RPGRIP1L: variants seen among roughly 807,000 people sequenced by gnomAD.
RPGRIP1L encodes the protein protein fantom.
RPGRIP1L carries 131 observed loss-of-function variants against 160.4 expected under a neutral mutation model. That is an observed-to-expected ratio of 0.82 (90% CI 0.71 to 0.94). The LOEUF (loss-of-function observed/expected upper bound fraction) is 0.94, where lower values mean the gene tolerates loss of function less well. RPGRIP1L is among the 40% of genes least tolerant of loss of function. The pLI, the probability that RPGRIP1L is intolerant of heterozygous loss-of-function variation, is 0.00. For synonymous variants in RPGRIP1L, 510 were observed against 515.8 expected, an observed-to-expected ratio of 0.99 and a Z score of 0.15; for missense variants, 1,522 against 1,535.8, an observed-to-expected ratio of 0.99 and a Z score of 0.15.
rs553010606 is a variant in RPGRIP1L at position 53,666,023 on chromosome 16, C to T, written c.1104-1014G>A. ...ATAATCATCAGCAGCTTTGACCATTCTATGTATTTTAAGCCCAGTAAATAC... is the reference window on the plus strand; with the variant it reads ...ATAATCATCAGCAGCTTTGACCATTTTATGTATTTTAAGCCCAGTAAATAC... On this transcript the variant is annotated intron_variant, in intron 9 of 26. Transcript: ENST00000647211. 1.7e-3 allele frequency among the ~76,000 whole-genome samples: 252 copies of T among 152,222 alleles called. 2 individuals carry two copies. The highest frequency in any genetic ancestry group is 5.3e-3 in the African/African-American group (222 of 41,554).
At chr16:53,665,784 C>T (rs1396994047) in intron 9 of RPGRIP1L, among the ~76,000 whole-genome samples, 2 of 152,112 alleles carry the variant, frequency 1.3e-5, no homozygotes, top group Non-Finnish European at 2.9e-5. Context: ...AATCAACATT[C>T]GTTTATGCCA....
chr16:53,676,422 T>C (rs1269281939), intron 6 of RPGRIP1L, among the ~76,000 whole-genome samples: 1 of 152,006 alleles, frequency 6.6e-6, no homozygotes, highest in Non-Finnish European at 1.5e-5. Flanking sequence ...GAAAAATACA[T>C]CTTAAAGTCT....
In RPGRIP1L at chr16:53,652,975, T is replaced by G; in HGVS notation, c.1712A>C (p.Asp571Ala). Residue 571 changes from aspartate to alanine, a missense_variant, in exon 15 of 27, where the codon GAT becomes GCT. By Grantham distance (126) the Asp-to-Ala change is moderately radical. Coordinates refer to ENST00000647211, the MANE Select transcript of RPGRIP1L (RefSeq NM_015272.5). ...RIHKLEAQLK[D>A]IAYGTKQYKF... ...GTACTGCTTGGTGCCATAGGCAATATCCTTTAATTGGGCTGCAAGAGAAGA... is the reference window on the plus strand; with the variant it reads ...GTACTGCTTGGTGCCATAGGCAATAGCCTTTAATTGGGCTGCAAGAGAAGA... 1 of 1,612,694 alleles carries G rather than the reference T, an allele frequency of 6.2e-7. No homozygotes were observed. The highest frequency in any genetic ancestry group is 8.5e-7 in the Non-Finnish European group (1 of 1,179,206).
intron 2 of RPGRIP1L, among the ~76,000 whole-genome samples, chr16:53,697,971 G>A (rs1030499012): frequency 5.9e-5 from 9 of 151,450 alleles, no homozygotes; most frequent in Non-Finnish European, 1.2e-4. Context: ...GTCTCTGCCC[G>A]GCCGCCCATC....
At chr16:53,671,304 TTAG>T (rs1265019985) in intron 9 of RPGRIP1L, among the ~76,000 whole-genome samples, 1 of 152,190 alleles carries the variant, frequency 6.6e-6, no homozygotes, top group East Asian at 1.9e-4. Flanking sequence ...TATGGTTTTC[TTAG>T]TAGTGATAGG....
chr16:53,645,118 C>T (rs563856810), intron 17 of RPGRIP1L, among the ~76,000 whole-genome samples: 8 of 152,134 alleles, frequency 5.3e-5, no homozygotes, highest in Middle Eastern at 3.4e-3. Context: ...CTCAAGTCTA[C>T]AGGAAGAAAT....
intron 17 of RPGRIP1L, among the ~76,000 whole-genome samples, chr16:53,644,948 T>C (rs937774025): frequency 6.6e-6 from 1 of 152,140 alleles, no homozygotes; most frequent in Non-Finnish European, 1.5e-5. Context: ...AGTATAAATA[T>C]ACATTTTATC....
chr16:53,631,351 G>C (rs1314808854), intron 22 of RPGRIP1L, among the ~76,000 whole-genome samples: 1 of 152,182 alleles, frequency 6.6e-6, no homozygotes, highest in Admixed American at 6.5e-5. Context: ...GCTAGGAGTA[G>C]GAACAGAGAA....
chr16:53,652,324 C>T (rs962020578), intron 15 of RPGRIP1L, among the ~76,000 whole-genome samples: 7 of 152,182 alleles, frequency 4.6e-5, no homozygotes, highest in South Asian at 2.1e-4. Flanking sequence ...TCACCTGCCT[C>T]GGCCTCCCAA....
At chr16:53,647,633 G>C (rs1054187736) in intron 16 of RPGRIP1L, among the ~76,000 whole-genome samples, 4 of 152,194 alleles carry the variant, frequency 2.6e-5, no homozygotes, top group African/African-American at 9.7e-5. Context: ...AAGAAAATGG[G>C]ATCTGCTAAC....
At chr16:53,698,876 G>A (rs975562407) in intron 2 of RPGRIP1L, among the ~76,000 whole-genome samples, 3 of 152,112 alleles carry the variant, frequency 2.0e-5, no homozygotes, top group Non-Finnish European at 2.9e-5. Flanking sequence ...CCACCACCCC[G>A]TCTGGGAGGT....
chr16:53,653,110 A>C (rs1435380521), intron 14 of RPGRIP1L, 123 bp from the exon 15 acceptor site: 1 of 904,232 alleles, frequency 1.1e-6, no homozygotes, highest in East Asian at 2.6e-5. Context: ...TTCTATGACT[A>C]CACTGTTTTT....
chr16:53,656,954 A>G (rs989277153), intron 13 of RPGRIP1L, among the ~76,000 whole-genome samples: 1 of 152,148 alleles, frequency 6.6e-6, no homozygotes, highest in Non-Finnish European at 1.5e-5. Flanking sequence ...TAAAAACATT[A>G]TTTGTGGCAG....
At chr16:53,678,731 G>A (rs1341599952) in intron 6 of RPGRIP1L, among the ~76,000 whole-genome samples, 2 of 152,092 alleles carry the variant, frequency 1.3e-5, no homozygotes, top group East Asian at 3.8e-4. Flanking sequence ...AAATATTTAC[G>A]ACACAGAATG....
At position 53,619,169 on chromosome 16, in the gene RPGRIP1L, G is replaced by A; in HGVS notation, c.3472C>T (p.Leu1158Phe). 4 of 1,613,848 alleles carry A rather than the reference G, an allele frequency of 2.5e-6. No homozygotes were observed. Among genetic ancestry groups the A allele is most frequent in the Non-Finnish European group, 3.4e-6 (4 of 1,180,018 alleles). ...TCCATGGTTACTTGAGAATCATTAA[G>A]GCTTAGAGCTATGATCTCAATCCGA... is the stretch of plus-strand genomic sequence containing the variant. ...KIRIEIIALS[L>F]NDSQVTMDDT... Residue 1158 changes from leucine to phenylalanine, a missense_variant, in exon 24 of 27, where the codon CTT becomes TTT. Physicochemically the swap from Leu to Phe is conservative, Grantham distance 22. Coordinates refer to ENST00000647211, the MANE Select transcript of RPGRIP1L (RefSeq NM_015272.5).
rs1209996996 is a variant in RPGRIP1L at position 53,692,449 on chromosome 16, G to A, written c.231-85C>T. The A allele has an allele frequency of 6.5e-6, 8 of 1,236,094 alleles. No homozygotes were observed. The East Asian group carries it at 1.9e-4, about 29-fold the overall frequency. The allele number at this position is 1,236,094 out of a possible 1,614,324, so 76.6% of individuals were successfully genotyped here. A position where few individuals can be genotyped will look rare whatever the true frequency, so the allele number is the denominator to read the frequency against. On this transcript the variant is annotated intron_variant, in intron 3 of 26. Transcript: ENST00000647211. ...TTGAAAGGAACATAATCACTGTGAA[G>A]ACTTCAGTGCAGAACCTGAATAATA...
chr16:53,672,201 C>T (rs1968790700), intron 8 of RPGRIP1L, among the ~76,000 whole-genome samples: 1 of 152,104 alleles, frequency 6.6e-6, no homozygotes, highest in African/African-American at 2.4e-5. Flanking sequence ...GATTTCTGTA[C>T]TCTAGTATTT....
chr16:53,657,563 G>T lies in RPGRIP1L; in HGVS notation c.1471C>A (p.Leu491Ile). 3 of 1,604,062 alleles carry T rather than the reference G, an allele frequency of 1.9e-6. No individual in the cohort carries two copies. The highest frequency in any genetic ancestry group is 2.6e-6 in the Non-Finnish European group (3 of 1,172,182). ...VKVDSEINKD[L>I]ERSMRELQAT... ...TGCAGCTCTCTCATAGAGCGTTCTA[G>T]ATCTTTATTAATTTCACTATCTACT... Residue 491 changes from leucine (L) to isoleucine (I), a missense_variant, in exon 13 of 27, where the codon CTA (leucine) becomes ATA (isoleucine). Leu to Ile is a conservative substitution (Grantham distance 5). Transcript: ENST00000647211.
chr16:53,644,968 C>T (rs1966450419), intron 17 of RPGRIP1L, among the ~76,000 whole-genome samples: 2 of 152,206 alleles, frequency 1.3e-5, no homozygotes, highest in South Asian at 4.1e-4. Context: ...CTTTTCTCCT[C>T]TTAACTGATT....
Sources: allele counts gnomAD v4.1 joint callset (sites outside exome capture counted in the v4.1 genomes callset), GRCh38; gene constraint gnomAD v4.1.1; transcripts MANE v1.5; gene names NCBI Gene and HGNC (gene_info 2026-07-23, HGNC 2026-07-21).